CPLANE1: variants seen among roughly 807,000 people sequenced by gnomAD.
The protein encoded by CPLANE1 is ciliogenesis and planar polarity effector complex subunit 1.
In CPLANE1, 263 loss-of-function variants were observed where a neutral mutation model predicts 362.5. That is an observed-to-expected ratio of 0.73 (90% CI 0.66 to 0.80). CPLANE1 has a LOEUF of 0.80. CPLANE1 is among the 30% of genes least tolerant of loss of function. The pLI is 0.00. For synonymous variants in CPLANE1, 1,212 were observed against 1,302.6 expected, an observed-to-expected ratio of 0.93 and a Z score of 1.50; for missense variants, 3,461 against 3,793.4, an observed-to-expected ratio of 0.91 and a Z score of 2.30.
chr5:37,137,118 A>T (rs1767965448), intron 46 of CPLANE1, among the ~76,000 whole-genome samples: 1 of 152,128 alleles, frequency 6.6e-6, no homozygotes, highest in African/African-American at 2.4e-5. Flanking sequence ...CCAAACTTTC[A>T]TGCTCTGCTT....
chr5:37,192,090 A>T (rs540642050), intron 21 of CPLANE1, among the ~76,000 whole-genome samples: 21 of 152,252 alleles, frequency 1.4e-4, no homozygotes, highest in Admixed American at 1.0e-3. Context: ...ACCATTTTTT[A>T]AAATCTTTTA....
intron 38 of CPLANE1, among the ~76,000 whole-genome samples, chr5:37,161,216 C>T (rs994145493): frequency 2.6e-5 from 4 of 152,110 alleles, no homozygotes; most frequent in Admixed American, 6.5e-5. Flanking sequence ...ATAGAAAATA[C>T]GGGTATCCCT....
intron 2 of CPLANE1, 39 bp downstream of exon 2, chr5:37,247,579 T>C (rs1445309136): frequency 1.3e-6 from 2 of 1,510,282 alleles, no homozygotes; most frequent in Non-Finnish European, 1.8e-6. Context: ...ACATATAACA[T>C]ATATAAAACT....
At chr5:37,135,393 G>T (rs1767356493) in intron 46 of CPLANE1, among the ~76,000 whole-genome samples, 1 of 152,180 alleles carries the variant, frequency 6.6e-6, no homozygotes, top group African/African-American at 2.4e-5. Context: ...ATAAAGGAAA[G>T]AGGTTTAATT....
intron 42 of CPLANE1, among the ~76,000 whole-genome samples, chr5:37,149,320 T>C (rs1283612705): frequency 1.3e-5 from 2 of 152,172 alleles, no homozygotes. Flanking sequence ...AGTATTTGCA[T>C]ACAACCTATA....
chr5:37,237,399 G>A (rs1174560862), intron 8 of CPLANE1, among the ~76,000 whole-genome samples: 1 of 152,146 alleles, frequency 6.6e-6, no homozygotes, highest in Non-Finnish European at 1.5e-5. Context: ...TAAACAATGG[G>A]TACACATGGA....
At chr5:37,124,976 C>G in intron 47 of CPLANE1, 2 of 1,179,022 alleles carry the variant, frequency 1.7e-6, no homozygotes, top group Non-Finnish European at 1.0e-6. Context: ...AATCACTCAA[C>G]CTCCTCCTCT....
intron 51 of CPLANE1, among the ~76,000 whole-genome samples, chr5:37,111,279 C>A (rs1195541090): frequency 6.6e-6 from 1 of 151,224 alleles, no homozygotes; most frequent in East Asian, 1.9e-4. Context: ...CACCACCATG[C>A]CTAGCTAATT....
At chr5:37,165,258 T>G (rs1484758933) in intron 36 of CPLANE1, among the ~76,000 whole-genome samples, 2 of 152,178 alleles carry the variant, frequency 1.3e-5, no homozygotes, top group Non-Finnish European at 2.9e-5. Context: ...TATTAAGATG[T>G]CATAGAAATA....
chr5:37,140,606 T>C, intron 44 of CPLANE1: 1 of 985,408 alleles, frequency 1.0e-6, no homozygotes, highest in Non-Finnish European at 1.2e-6. Flanking sequence ...AGGCCCCTGC[T>C]GGCCTATTCA....
At chr5:37,246,588 T>C (rs917253322) in intron 2 of CPLANE1, 1 of 152,200 alleles carries the variant, frequency 6.6e-6, no homozygotes, top group Non-Finnish European at 1.5e-5. Flanking sequence ...CATTTTTTAT[T>C]ACCTAGAAAA....
At chr5:37,085,132 T>C in the CPLANE1 span, 1 of 754,364 alleles carries the variant, frequency 1.3e-6, no homozygotes, top group Non-Finnish European at 2.5e-6. Flanking sequence ...TTGACCAGTG[T>C]GTTTGCTCCT....
intron 15 of CPLANE1, among the ~76,000 whole-genome samples, chr5:37,216,091 C>G (rs1220567343): frequency 6.6e-6 from 1 of 152,134 alleles, no homozygotes; most frequent in Non-Finnish European, 1.5e-5. Context: ...TCCGCCTCAG[C>G]CTCCCAAAAT....
chr5:37,210,700 A>C (rs1792342332), intron 16 of CPLANE1: 1 of 1,576,296 alleles, frequency 6.3e-7, no homozygotes, highest in African/African-American at 1.3e-5. Context: ...GAGAGACTGG[A>C]GCTTCTGGCA....
Position 37,108,788 on chromosome 5 carries a change from T to A in CPLANE1, c.9401-317A>T, listed in dbSNP as rs145334891. ...ATTGACACCAAAGTTGGGTGAACTCTGAGACCTGGGCCTTCCCTGTCTTTT... is the reference window on the plus strand; with the variant it reads ...ATTGACACCAAAGTTGGGTGAACTCAGAGACCTGGGCCTTCCCTGTCTTTT... On this transcript the variant is annotated intron_variant, in intron 51 of 52. Transcript: ENST00000651892. 3.0e-4 allele frequency among the ~76,000 whole-genome samples: 46 copies of A among 152,332 alleles called. No homozygotes were observed. The East Asian group carries it at 7.9e-3, about 26-fold the overall frequency.
chr5:37,247,288 G>GGA (rs1434286715), intron 2 of CPLANE1, among the ~76,000 whole-genome samples: 2 of 152,126 alleles, frequency 1.3e-5, no homozygotes, highest in Non-Finnish European at 2.9e-5. Flanking sequence ...TTCCAGTAAA[G>GGA]GAAAGCTCAG....
intron 38 of CPLANE1, 108 bp from the exon 39 acceptor site, chr5:37,158,453 C>A: frequency 9.1e-7 from 1 of 1,099,842 alleles, no homozygotes; most frequent in Non-Finnish European, 1.3e-6. Flanking sequence ...ATAAATTGTA[C>A]TTCTTGAAAT....
At chr5:37,083,231 G>C in the CPLANE1 span, among the ~76,000 whole-genome samples, 1 of 152,196 alleles carries the variant, frequency 6.6e-6, no homozygotes, top group African/African-American at 2.4e-5. Context: ...AAAAGGGGGA[G>C]AGTACTACAT....
intron 18 of CPLANE1, among the ~76,000 whole-genome samples, chr5:37,203,454 G>A (rs920641098): frequency 6.6e-6 from 1 of 152,116 alleles, no homozygotes; most frequent in African/African-American, 2.4e-5. Flanking sequence ...GACATTTGAG[G>A]TGTTTCCAAA....
Sources: allele counts gnomAD v4.1 joint callset (sites outside exome capture counted in the v4.1 genomes callset), GRCh38; gene constraint gnomAD v4.1.1; transcripts MANE v1.5; gene names NCBI Gene and HGNC (gene_info 2026-07-23, HGNC 2026-07-21).